The following PRR7 variants were observed in gnomAD, a reference collection of about 807,000 sequenced individuals.
The protein encoded by PRR7 is proline-rich protein 7.
PRR7 carries 8 observed loss-of-function variants against 18.5 expected under a neutral mutation model. The ratio of observed to expected loss-of-function variants is 0.43; its 90% CI spans 0.25 to 0.78. PRR7 has a LOEUF of 0.78. Among genes scored for constraint, PRR7 ranks in the 30% least tolerant of loss-of-function variants. PRR7 has a pLI of 0.22. For missense variants in PRR7, 396 were observed against 403.1 expected (o/e 0.98, Z 0.15); for synonymous variants, 221 against 187.7 (o/e 1.18, Z -1.45).
chr5:177,454,636 T>A lies in PRR7; in HGVS notation c.-239-193T>A, dbSNP rs1462453016. On this transcript the variant is annotated intron_variant, in intron 2 of 3. Coordinates refer to ENST00000323249, the MANE Select transcript of PRR7 (RefSeq NM_030567.5). The surrounding 1 kb of genome is among the most constrained non-coding windows in gnomAD (Gnocchi z 4.7). ...CGGGCTCCGCGGCGGCGGCCGGGGC[T>A]CAGATCGGGGAAACCCTACCGGGGA... Among the ~76,000 whole-genome samples, 1 of 151,622 alleles carries A rather than the reference T, an allele frequency of 6.6e-6. No individual in the cohort carries two copies. Among genetic ancestry groups the A allele is most frequent in the Admixed American group, 6.6e-5 (1 of 15,260 alleles).
chr5:177,448,705 T>C (rs1400415127), intron 1 of PRR7, among the ~76,000 whole-genome samples: 2 of 152,182 alleles, frequency 1.3e-5, no homozygotes, highest in African/African-American at 4.8e-5. Context: ...CCAGATGCAT[T>C]ATAGGATGGG....
In PRR7 at chr5:177,456,259, T is replaced by G; in HGVS notation, c.*138T>G. 1 of 1,096,240 alleles carries G rather than the reference T, an allele frequency of 9.1e-7. No individual in the cohort carries two copies. The highest frequency in any genetic ancestry group is 1.2e-6 in the Non-Finnish European group (1 of 811,476). The allele number at this position is 1,096,240 out of a possible 1,614,324, so 67.9% of individuals were successfully genotyped here. ...CCCGTTTGTTACATTTTGAGGATAATAAAGGTGTGTGATCTGGTTTGGTAC... is the reference window on the plus strand; with the variant it reads ...CCCGTTTGTTACATTTTGAGGATAAGAAAGGTGTGTGATCTGGTTTGGTAC... On this transcript the variant is annotated 3_prime_UTR_variant, in exon 4 of 4. Coordinates refer to ENST00000323249, the MANE Select transcript of PRR7 (RefSeq NM_030567.5).
Position 177,455,472 on chromosome 5 carries a change from G to T in PRR7, c.405G>T (p.Arg135=). The change falls in exon 3 of 4, where the codon CGG becomes CGT. Residue 135 remains arginine (R), a synonymous_variant. Coordinates refer to ENST00000323249, the MANE Select transcript of PRR7 (RefSeq NM_030567.5). This position sits in a 1 kb window ranked among gnomAD's most constrained non-coding sequence, Gnocchi z 6.9. ...CTACGCACCTGTCGGTGCCGCCACG[G>T]CCCTGGAGCTACCCGCGCCAAGGTG... ...PPPTHLSVPP[R]PWSYPRQAES... 6.6e-7 allele frequency: 1 copy of T among 1,504,812 alleles called. No homozygotes were observed. Among genetic ancestry groups the T allele is most frequent in the Non-Finnish European group, 8.8e-7 (1 of 1,135,538 alleles). The allele number at this position is 1,504,812 out of a possible 1,614,324, so 93.2% of individuals were successfully genotyped here. A position where few individuals can be genotyped will look rare whatever the true frequency, so the allele number is the denominator to read the frequency against.
rs1400975870 is a variant in PRR7, at chr5:177,455,997, A to T, written c.701A>T (p.Asp234Val). 1.3e-6 allele frequency: 2 copies of T among 1,583,100 alleles called. No individual in the cohort carries two copies. Among genetic ancestry groups the T allele is most frequent in the Non-Finnish European group, 1.7e-6 (2 of 1,169,696 alleles). ...TGCCCAGCCCTCTGCCTGCAGGCCG[A>T]CCGTGGCCGCCGGGTCTTCCCCAGC... ...PPCPALCLQA[D>V]RGRRVFPSWT... The change falls in exon 4 of 4, where the codon GAC becomes GTC. Residue 234 changes from aspartate to valine, a missense_variant. Coordinates refer to ENST00000323249, the MANE Select transcript of PRR7 (RefSeq NM_030567.5). The surrounding 1 kb of genome is among the most constrained non-coding windows in gnomAD (Gnocchi z 6.9).
chr5:177,447,071 G>T (rs1044110020), intron 1 of PRR7, 111 bp downstream of exon 1: 1 of 151,386 alleles, frequency 6.6e-6, no homozygotes, highest in African/African-American at 2.4e-5. Context: ...CCGGGTCGCC[G>T]CCCCGGTCCC....
intron 1 of PRR7, among the ~76,000 whole-genome samples, chr5:177,452,627 C>G (rs1395171052): frequency 6.6e-6 from 1 of 152,164 alleles, no homozygotes; most frequent in Non-Finnish European, 1.5e-5. Context: ...GGGGTGGAGC[C>G]AGGTTGGGGC....
At position 177,455,439 on chromosome 5, in the gene PRR7, C is replaced by T. The variant is rs890076601; in HGVS notation, c.372C>T (p.His124=). ...ACCCGCACCACCACGCGCTCCCGCA[C>T]CCGCCGCCTACGCACCTGTCGGTGC... The part of the protein sequence containing the change: ...HPHPHHHALP[H]PPPTHLSVPP... The change falls in exon 3 of 4, where the codon CAC becomes CAT. Residue 124 remains histidine, a synonymous_variant. Transcript: ENST00000323249. This position sits in a 1 kb window ranked among gnomAD's most constrained non-coding sequence, Gnocchi z 6.9. The T allele has an allele frequency of 8.6e-6, 13 of 1,506,944 alleles. No individual in the cohort carries two copies. Among genetic ancestry groups the T allele is most frequent in the African/African-American group, 4.4e-5 (3 of 68,958 alleles). 93.3% of individuals were successfully genotyped at this position (1,506,944 alleles called of 1,614,324 possible).
In PRR7 at chr5:177,455,656, G is replaced by C; in HGVS notation, c.428-68G>C. 2 of 1,450,192 alleles carry C rather than the reference G, an allele frequency of 1.4e-6. No homozygotes were observed. The highest frequency in any genetic ancestry group is 5.2e-5 in the East Asian group (2 of 38,694). The allele number at this position is 1,450,192 out of a possible 1,614,324, so 89.8% of individuals were successfully genotyped here. A position where few individuals can be genotyped will look rare whatever the true frequency, so the allele number is the denominator to read the frequency against. On this transcript the variant is annotated intron_variant, in intron 3 of 3. Transcript: ENST00000323249. The surrounding 1 kb of genome is among the most constrained non-coding windows in gnomAD (Gnocchi z 6.9). ...TAGGGCTGGGGCGCGGGCGGCCCCT[G>C]GCCGGGGCCTCTGCGAGAGGCTGGG... is the stretch of plus-strand genomic sequence containing the variant.
Position 177,449,964 on chromosome 5 carries a change from C to A in PRR7, c.-325+3004C>A, listed in dbSNP as rs376046433. 4.3e-4 allele frequency among the ~76,000 whole-genome samples: 66 copies of A among 152,244 alleles called. No homozygotes were observed. The East Asian group carries it at 7.9e-3, about 18-fold the overall frequency. On this transcript the variant is annotated intron_variant, in intron 1 of 3. Coordinates refer to ENST00000323249, the MANE Select transcript of PRR7 (RefSeq NM_030567.5). The surrounding 1 kb of genome is among the most constrained non-coding windows in gnomAD (Gnocchi z 4.2). ...TGATGTGGGAAGGGTGTAAGGGTGTCACCAGTGGCTCCCTGAAATGCCCTT... is the reference window on the plus strand; with the variant it reads ...TGATGTGGGAAGGGTGTAAGGGTGTAACCAGTGGCTCCCTGAAATGCCCTT...
chr5:177,448,751 C>G (rs1234142371), intron 1 of PRR7, among the ~76,000 whole-genome samples: 1 of 152,238 alleles, frequency 6.6e-6, no homozygotes, highest in Non-Finnish European at 1.5e-5. Context: ...CTTCCTCCCT[C>G]CCTCCATTTT....
At chr5:177,447,517 G>C (rs981631711) in intron 1 of PRR7, 3 of 152,496 alleles carry the variant, frequency 2.0e-5, no homozygotes, top group Non-Finnish European at 4.4e-5. Flanking sequence ...AGGAGGCATG[G>C]AGGCTGGCGC....
In PRR7 at chr5:177,453,028, T is replaced by G. The variant is rs542105656; in HGVS notation, c.-324-928T>G. Among the ~76,000 whole-genome samples, 6 of 152,338 alleles carry G rather than the reference T, an allele frequency of 3.9e-5. No homozygotes were observed. In the South Asian group the frequency reaches 1.2e-3, roughly 32 times the overall value. ...TCTGGCACAGAGTTTGGATTCAGACTCAGGCTAAATCCTAGCTCCTCCCCT... is the reference window on the plus strand; with the variant it reads ...TCTGGCACAGAGTTTGGATTCAGACGCAGGCTAAATCCTAGCTCCTCCCCT... On this transcript the variant is annotated intron_variant, in intron 1 of 3. Transcript: ENST00000323249.
At chr5:177,447,128 G>A (rs2127385674) in intron 1 of PRR7, among the ~76,000 whole-genome samples, 168 bp downstream of exon 1, 1 of 152,170 alleles carries the variant, frequency 6.6e-6, no homozygotes, top group South Asian at 2.1e-4. Context: ...ACCGGAGGGA[G>A]GGAGAGCGCC....
rs76534165 is a variant in PRR7 at position 177,449,373 on chromosome 5, C to T, written c.-325+2413C>T. On this transcript the variant is annotated intron_variant, in intron 1 of 3. Coordinates refer to ENST00000323249, the MANE Select transcript of PRR7 (RefSeq NM_030567.5). This position sits in a 1 kb window ranked among gnomAD's most constrained non-coding sequence, Gnocchi z 4.2. Reference sequence around the variant, plus strand: ...ATCAGAGGGAGTTCTGTTGTCCCCTCGGCACCCTGGTCCTACTGCTGAAGA... The same window carrying T: ...ATCAGAGGGAGTTCTGTTGTCCCCTTGGCACCCTGGTCCTACTGCTGAAGA... Among the ~76,000 whole-genome samples the T allele has an allele frequency of 2.6e-5, 4 of 152,158 alleles. No homozygotes were observed. The highest frequency in any genetic ancestry group is 1.9e-4 in the East Asian group (1 of 5,198).
At position 177,455,585 on chromosome 5, in the gene PRR7, C is replaced by A; in HGVS notation, c.427+91C>A. ...GCTGCTTACCCTCAGGGCTTCCATC[C>A]GCAGCCTCCGGGAGAACACGGGCGG... On this transcript the variant is annotated intron_variant, in intron 3 of 3. Coordinates refer to ENST00000323249, the MANE Select transcript of PRR7 (RefSeq NM_030567.5). The surrounding 1 kb of genome is among the most constrained non-coding windows in gnomAD (Gnocchi z 6.9). 7.1e-7 allele frequency: 1 copy of A among 1,406,990 alleles called. No individual in the cohort carries two copies. The highest frequency in any genetic ancestry group is 9.2e-7 in the Non-Finnish European group (1 of 1,084,788). The allele number at this position is 1,406,990 out of a possible 1,614,324, so 87.2% of individuals were successfully genotyped here. A position where few individuals can be genotyped will look rare whatever the true frequency, so the allele number is the denominator to read the frequency against.
chr5:177,447,426 G>A (rs1049510263), intron 1 of PRR7, among the ~76,000 whole-genome samples: 41 of 152,266 alleles, frequency 2.7e-4, no homozygotes, highest in African/African-American at 9.4e-4. Context: ...TGGCTCCCAC[G>A]TGGCTGCAGT....
intron 1 of PRR7, among the ~76,000 whole-genome samples, chr5:177,448,643 G>A (rs55705939): frequency 6.6e-5 from 10 of 152,312 alleles, no homozygotes; most frequent in Non-Finnish European, 1.2e-4. Context: ...TGTCTTTCGG[G>A]TCTTGGTACA....
chr5:177,452,368 T>C (rs1384392812), intron 1 of PRR7, among the ~76,000 whole-genome samples: 1 of 152,124 alleles, frequency 6.6e-6, no homozygotes, highest in East Asian at 1.9e-4. Flanking sequence ...AGAGCTCACA[T>C]AGTAAAGGAG....
In PRR7 at chr5:177,447,463, T is replaced by C. The variant is rs562237372; in HGVS notation, c.-325+503T>C. Among the ~76,000 whole-genome samples, 1,340 of 152,172 alleles carry C rather than the reference T, an allele frequency of 8.8e-3. 10 individuals are homozygous for C. Among genetic ancestry groups the C allele is most frequent in the South Asian group, 0.022 (108 of 4,822 alleles). ...GTCGCAGCAGGGCTCCTGGGGTGGC[T>C]GCAAACGTGGGGGCGGCCCAGCCCC... On this transcript the variant is annotated intron_variant, in intron 1 of 3. Coordinates refer to ENST00000323249, the MANE Select transcript of PRR7 (RefSeq NM_030567.5).
Sources: gnomAD v4.1 joint callset for allele counts (sites outside exome capture counted in the v4.1 genomes callset) on GRCh38, gnomAD v4.1.1 for gene constraint, Gnocchi (gnomAD v3.1) non-coding constraint, MANE v1.5 for transcripts, NCBI Gene and HGNC (gene_info 2026-07-23, HGNC 2026-07-21) for gene names.